The following RPL28 variants were observed in gnomAD, a reference collection of about 807,000 sequenced individuals.
RPL28 encodes the protein ribosomal protein L28, also known as large ribosomal subunit protein eL28.
A neutral mutation model predicts 12.5 loss-of-function variants in RPL28; 4 were observed. The ratio of observed to expected loss-of-function variants is 0.32; its 90% CI spans 0.16 to 0.73. RPL28 has a LOEUF of 0.73. Among genes scored for constraint, RPL28 ranks in the 30% least tolerant of loss-of-function variants. The pLI is 0.66. For missense variants in RPL28, 214 were observed against 197.7 expected, an observed-to-expected ratio of 1.08 and a Z score of -0.49; for synonymous variants, 91 against 72.5, an observed-to-expected ratio of 1.26 and a Z score of -1.30.
Position 55,389,093 on chromosome 19 carries a change from CTT to C in RPL28, c.*762_*763del. 1 of 985,572 alleles carries C rather than the reference CTT, an allele frequency of 1.0e-6. No individual in the cohort carries two copies. The highest frequency in any genetic ancestry group is 1.2e-6 in the Non-Finnish European group (1 of 830,032). The allele number at this position is 985,572 out of a possible 1,614,324, so 61.1% of individuals were successfully genotyped here. A position where few individuals can be genotyped will look rare whatever the true frequency, so the allele number is the denominator to read the frequency against. ...CAAGCTTTCCTGATTGCCCAGCCCT[CTT>C]GTTTCCTTTGGCCTGTTTGCTCCCT... On this transcript the variant is annotated 3_prime_UTR_variant, in exon 5 of 5. Coordinates refer to ENST00000344063, the MANE Select transcript of RPL28 (RefSeq NM_000991.5).
intron 4 of RPL28, chr19:55,401,233 G>T: frequency 1.5e-6 from 1 of 654,788 alleles, no homozygotes; most frequent in Non-Finnish European, 2.6e-6. Context: ...AACTCCCAGA[G>T]CCACATGGCA....
At position 55,386,589 on chromosome 19, in the gene RPL28, C is replaced by T; in HGVS notation, c.101C>T (p.Ala34Val). Residue 34 changes from alanine (A) to valine (V), a missense_variant, in exon 3 of 5, where the codon GCC (alanine) becomes GTC (valine). Physicochemically the swap from Ala to Val is moderately conservative, Grantham distance 64 (BLOSUM62 0). Coordinates refer to ENST00000344063, the MANE Select transcript of RPL28 (RefSeq NM_000991.5). ...TCCCAGGAGCCCAATAACTTGAAGGCCCGCAATTCCTTCCGCTACAACGGA... is the reference window on the plus strand; with the variant it reads ...TCCCAGGAGCCCAATAACTTGAAGGTCCGCAATTCCTTCCGCTACAACGGA... ...TYSTEPNNLK[A>V]RNSFRYNGLI... 2 of 1,609,100 alleles carry T rather than the reference C, an allele frequency of 1.2e-6. No individual in the cohort carries two copies. The highest frequency in any genetic ancestry group is 8.5e-7 in the Non-Finnish European group (1 of 1,175,948).
At chr19:55,393,827 T>C (rs1201115179), downstream of RPL28, among the ~76,000 whole-genome samples, 2 of 149,324 alleles carry the variant, frequency 1.3e-5, no homozygotes, top group African/African-American at 5.1e-5. Context: ...TTTTGTATTT[T>C]TAGTAGAGAC....
In RPL28 at chr19:55,389,806, C is replaced by T. The variant is rs1231574374; in HGVS notation, c.*1474C>T. ...AAAACTGAGTTGGGTGACTTGGTAC[C>T]TGCTCAGGACCCCCCGCACTGTCCC... On this transcript the variant is annotated 3_prime_UTR_variant, in exon 5 of 5. Coordinates refer to ENST00000344063, the MANE Select transcript of RPL28 (RefSeq NM_000991.5). The T allele has an allele frequency of 1.2e-5, 12 of 984,736 alleles. No homozygotes were observed. Among genetic ancestry groups the T allele is most frequent in the Non-Finnish European group, 1.4e-5 (12 of 829,342 alleles). 61.0% of individuals were successfully genotyped at this position (984,736 alleles called of 1,614,324 possible).
intron 4 of RPL28, among the ~76,000 whole-genome samples, chr19:55,402,124 G>A (rs1042744848): frequency 2.0e-5 from 3 of 152,164 alleles, no homozygotes; most frequent in Admixed American, 6.5e-5. Flanking sequence ...TTTTGAATTT[G>A]CCTCCATGCA....
downstream of RPL28, among the ~76,000 whole-genome samples, chr19:55,393,257 C>G (rs772669469): frequency 0.031 from 3,294 of 105,670 alleles, 245 homozygotes; most frequent in African/African-American, 0.084. Context: ...CCCCCCCCCC[C>G]CCGACCCCCA....
At position 55,388,676 on chromosome 19, in the gene RPL28, C is replaced by A; in HGVS notation, c.*344C>A. 1.8e-6 allele frequency: 2 copies of A among 1,093,554 alleles called. No individual in the cohort carries two copies. The highest frequency in any genetic ancestry group is 2.2e-6 in the Non-Finnish European group (2 of 900,346). The allele number at this position is 1,093,554 out of a possible 1,614,324, so 67.7% of individuals were successfully genotyped here. A position where few individuals can be genotyped will look rare whatever the true frequency, so the allele number is the denominator to read the frequency against. On this transcript the variant is annotated 3_prime_UTR_variant, in exon 5 of 5. Transcript: ENST00000344063. The stretch of plus-strand genomic sequence containing the variant: ...CAGAAGAAGAAAGGCCTTTTCTAGC[C>A]CAGAAGGGTGCAGGCTGAGGGCTGG...
intron 3 of RPL28, chr19:55,386,935 G>A: frequency 6.8e-7 from 1 of 1,472,846 alleles, no homozygotes; most frequent in African/African-American, 1.4e-5. Flanking sequence ...AACTTCCTCG[G>A]TGGTTGTTGA....
chr19:55,396,850 G>A (rs1390600570), downstream of RPL28, among the ~76,000 whole-genome samples: 1 of 151,622 alleles, frequency 6.6e-6, no homozygotes, highest in Non-Finnish European at 1.5e-5. Flanking sequence ...AAAGTGCTGG[G>A]ATTACAGGTG....
chr19:55,402,623 G>C (rs916863752), intron 4 of RPL28, among the ~76,000 whole-genome samples: 2 of 152,178 alleles, frequency 1.3e-5, no homozygotes, highest in Admixed American at 1.3e-4. Context: ...TGGTGACCAG[G>C]ACACAGGTTC....
intron 4 of RPL28, among the ~76,000 whole-genome samples, chr19:55,398,078 C>T (rs1006966398): frequency 1.3e-5 from 2 of 152,132 alleles, no homozygotes; most frequent in Non-Finnish European, 2.9e-5. Flanking sequence ...CGCCTGTAAT[C>T]CCAGCTACTC....
chr19:55,393,142 C>A (rs961569592), downstream of RPL28, among the ~76,000 whole-genome samples: 1 of 151,482 alleles, frequency 6.6e-6, no homozygotes, highest in Non-Finnish European at 1.5e-5. Context: ...GCCTCCCACA[C>A]CCGCCCGCTC....
chr19:55,389,847 C>T lies in RPL28; in HGVS notation c.*1515C>T. On this transcript the variant is annotated 3_prime_UTR_variant, in exon 5 of 5. Coordinates refer to ENST00000344063, the MANE Select transcript of RPL28 (RefSeq NM_000991.5). ...GCACTGTCCCAATCCCACTCAGGCC[C>T]ACCTCCAGCTGGCCTCACTCCGCTG... The T allele has an allele frequency of 1.0e-6, 1 of 984,272 alleles. No homozygotes were observed. Among genetic ancestry groups the T allele is most frequent in the Non-Finnish European group, 1.2e-6 (1 of 828,950 alleles). The allele number at this position is 984,272 out of a possible 1,614,324, so 61.0% of individuals were successfully genotyped here.
At chr19:55,394,731 C>A (rs1452927016), downstream of RPL28, among the ~76,000 whole-genome samples, 2 of 151,886 alleles carry the variant, frequency 1.3e-5, no homozygotes, top group Non-Finnish European at 2.9e-5. Context: ...GCTGCCACAC[C>A]CAGCTAATTT....
chr19:55,394,991 A>C (rs1218087978), downstream of RPL28, among the ~76,000 whole-genome samples: 1 of 152,244 alleles, frequency 6.6e-6, no homozygotes, highest in East Asian at 1.9e-4. Flanking sequence ...TAAATATTTA[A>C]ACAATAAGAT....
In RPL28 at chr19:55,388,622, G is replaced by T. The variant is rs1417620549; in HGVS notation, c.*290G>T. 3.1e-5 allele frequency: 37 copies of T among 1,207,974 alleles called. No individual in the cohort carries two copies. Among genetic ancestry groups the T allele is most frequent in the Non-Finnish European group, 3.8e-5 (37 of 972,586 alleles). 74.8% of individuals were successfully genotyped at this position (1,207,974 alleles called of 1,614,324 possible). A position where few individuals can be genotyped will look rare whatever the true frequency, so the allele number is the denominator to read the frequency against. On this transcript the variant is annotated 3_prime_UTR_variant, in exon 5 of 5. Transcript: ENST00000344063. ...CTGTCCCATTGTGAGGTGGCCTGAA[G>T]AATCCCAGCTGGGGCAGTGGCTTCC...
chr19:55,387,717 T>G, intron 3 of RPL28: 1 of 1,413,488 alleles, frequency 7.1e-7, no homozygotes, highest in Non-Finnish European at 9.2e-7. Flanking sequence ...GGGCTATGAG[T>G]GTGGCAGAAG....
At position 55,390,415 on chromosome 19, in the gene RPL28, G is replaced by A. The variant is rs1213993037; in HGVS notation, c.*2083G>A. ...AGATGGGGTTTCACCATTTTGCCCA[G>A]GCTGGTTTGGAACTCCTGACTTCAA... On this transcript the variant is annotated 3_prime_UTR_variant, in exon 5 of 5. Coordinates refer to ENST00000344063, the MANE Select transcript of RPL28 (RefSeq NM_000991.5). 1 of 957,492 alleles carries A rather than the reference G, an allele frequency of 1.0e-6. No homozygotes were observed. The highest frequency in any genetic ancestry group is 1.2e-6 in the Non-Finnish European group (1 of 804,724). The allele number at this position is 957,492 out of a possible 1,614,324, so 59.3% of individuals were successfully genotyped here. A position where few individuals can be genotyped will look rare whatever the true frequency, so the allele number is the denominator to read the frequency against.
downstream of RPL28, among the ~76,000 whole-genome samples, chr19:55,396,781 C>T (rs184180610): frequency 9.5e-3 from 1,424 of 149,524 alleles, 11 homozygotes; most frequent in African/African-American, 0.029. Context: ...AGGGTTTCAC[C>T]GTGTTAGCCA....
Sources: gnomAD v4.1 joint callset for allele counts (sites outside exome capture counted in the v4.1 genomes callset) on GRCh38, gnomAD v4.1.1 for gene constraint, MANE v1.5 for transcripts, NCBI Gene and HGNC (gene_info 2026-07-23, HGNC 2026-07-21) for gene names.